The following MINDY2 variants were observed in gnomAD, a reference collection of about 807,000 sequenced individuals.
The protein encoded by MINDY2 is ubiquitin carboxyl-terminal hydrolase MINDY-2.
Under a neutral mutation model 68.2 loss-of-function variants are expected in MINDY2, and 52 were observed. The ratio of observed to expected loss-of-function variants is 0.76; its 90% CI spans 0.61 to 0.96. The LOEUF is 0.96. Ranked by LOEUF, MINDY2 falls within the 40% of genes least tolerant of loss-of-function variation. The probability of loss-of-function intolerance (pLI) is 0.00; values close to 1 mark genes in which losing one functional copy is unlikely to be tolerated. For missense variants in MINDY2, 881 were observed against 773.4 expected, an observed-to-expected ratio of 1.14 and a Z score of -1.65; for synonymous variants, 372 against 303.0, an observed-to-expected ratio of 1.23 and a Z score of -2.36.
intron 3 of MINDY2, among the ~76,000 whole-genome samples, chr15:58,807,396 C>T (rs1903098176): frequency 7.0e-6 from 1 of 142,440 alleles, no homozygotes; most frequent in African/African-American, 2.6e-5. Flanking sequence ...TGCTCTGTCG[C>T]CCAGGCTGGA....
chr15:58,820,675 A>T (rs1466221918), intron 4 of MINDY2, among the ~76,000 whole-genome samples: 1 of 152,134 alleles, frequency 6.6e-6, no homozygotes, highest in African/African-American at 2.4e-5. Context: ...GGGCAGTGGA[A>T]TGAAAACTTA....
At chr15:58,810,481 CT>C (rs1302064637) in intron 4 of MINDY2, 93 bp downstream of exon 4, 10 of 1,259,726 alleles carry the variant, frequency 7.9e-6, no homozygotes, top group African/African-American at 3.1e-5. Context: ...TTGTTACTTA[CT>C]TTTTTTGTAC....
intron 7 of MINDY2, among the ~76,000 whole-genome samples, chr15:58,849,977 T>C (rs1019578451): frequency 4.6e-5 from 7 of 152,166 alleles, no homozygotes; most frequent in Admixed American, 3.9e-4. Flanking sequence ...GCTCAAGTGA[T>C]GTGCCCGCCT....
intron 2 of MINDY2, among the ~76,000 whole-genome samples, chr15:58,796,808 C>G (rs924839222): frequency 6.6e-6 from 1 of 152,180 alleles, no homozygotes; most frequent in Non-Finnish European, 1.5e-5. Flanking sequence ...TAGGCATTAG[C>G]CACTGCACCT....
chr15:58,816,726 CAT>C (rs1467917003), intron 4 of MINDY2, among the ~76,000 whole-genome samples: 1 of 152,120 alleles, frequency 6.6e-6, no homozygotes, highest in East Asian at 1.9e-4. Flanking sequence ...ATTAGGTAGA[CAT>C]AGAGGGAAAA....
intron 1 of MINDY2, among the ~76,000 whole-genome samples, chr15:58,786,245 G>GAACTGTTGGAGA (rs1160530400): frequency 3.9e-5 from 6 of 152,178 alleles, no homozygotes; most frequent in African/African-American, 1.4e-4. Flanking sequence ...ACATTTGGGG[G>GAACTGTTGGAGA]AATTGTTGGA....
At chr15:58,790,162 T>C (rs1172262231) in intron 2 of MINDY2, among the ~76,000 whole-genome samples, 1 of 152,226 alleles carries the variant, frequency 6.6e-6, no homozygotes, top group Non-Finnish European at 1.5e-5. Flanking sequence ...GGTAGATTAC[T>C]CTGAATACCT....
intron 2 of MINDY2, among the ~76,000 whole-genome samples, chr15:58,801,018 G>C (rs1461940380): frequency 1.3e-5 from 2 of 151,972 alleles, no homozygotes; most frequent in African/African-American, 2.4e-5. Context: ...GCATCACCCA[G>C]GCTGGAGTAC....
chr15:58,772,114 A>T lies in MINDY2; in HGVS notation c.719A>T (p.Gln240Leu). The T allele has an allele frequency of 6.2e-7, 1 of 1,614,020 alleles. No individual in the cohort carries two copies. The highest frequency in any genetic ancestry group is 8.5e-7 in the Non-Finnish European group (1 of 1,179,950). The change falls in exon 1 of 9, where the codon CAA becomes CTA. Residue 240 changes from glutamine (Q) to leucine (L), a missense_variant. By Grantham distance (113) the Gln-to-Leu change is moderately radical. Coordinates refer to ENST00000559228, the MANE Select transcript of MINDY2 (RefSeq NM_001040450.3). ...GCCTCCAAGGAACGCTTCCCGGGACAATCTGTGTATCACATCAAGTGGATC... is the reference window on the plus strand; with the variant it reads ...GCCTCCAAGGAACGCTTCCCGGGACTATCTGTGTATCACATCAAGTGGATC... ...LAASKERFPG[Q>L]SVYHIKWIQW...
chr15:58,797,131 A>T (rs1260797981), intron 2 of MINDY2, among the ~76,000 whole-genome samples: 5 of 152,186 alleles, frequency 3.3e-5, no homozygotes, highest in Non-Finnish European at 5.9e-5. Context: ...GATTTCAAAG[A>T]TTTGGTTAAA....
At chr15:58,809,808 C>A (rs2140972993) in intron 3 of MINDY2, among the ~76,000 whole-genome samples, 1 of 152,346 alleles carries the variant, frequency 6.6e-6, no homozygotes, top group South Asian at 2.1e-4. Flanking sequence ...GAGACAGAGT[C>A]TCGCTCTGTT....
Position 58,771,435 on chromosome 15 carries a change from G to C in MINDY2, c.40G>C (p.Gly14Arg). The C allele has an allele frequency of 6.2e-7, 1 of 1,612,172 alleles. No individual in the cohort carries two copies. The highest frequency in any genetic ancestry group is 1.1e-5 in the South Asian group (1 of 91,072). Reference sequence around the variant, plus strand: ...CGAGAGCCTGCAGCCGCTAGAACACGGGGTGGCGGCCGGGCCAGCGTCAGG... The same window carrying C: ...CGAGAGCCTGCAGCCGCTAGAACACCGGGTGGCGGCCGGGCCAGCGTCAGG... ...SPESLQPLEHGVAAGPASGTG... is the reference protein window; with the variant it reads ...SPESLQPLEHRVAAGPASGTG... The change falls in exon 1 of 9, where the codon GGG becomes CGG. Residue 14 changes from glycine to arginine, a missense_variant. Transcript: ENST00000559228.
In MINDY2 at chr15:58,810,244, C is replaced by T; in HGVS notation, c.978C>T (p.Ala326=). Residue 326 remains alanine (A), a synonymous_variant, in exon 4 of 9, where the codon GCC becomes GCT. Coordinates refer to ENST00000559228, the MANE Select transcript of MINDY2 (RefSeq NM_001040450.3). The stretch of plus-strand genomic sequence containing the variant: ...TCTATTTTCAGAATATGAGTGATGC[C>T]ATGGCAATTTTGCACAAACTACAGA... ...RLNYEQNMSD[A]MAILHKLQTG... The T allele has an allele frequency of 6.2e-7, 1 of 1,608,276 alleles. No individual in the cohort carries two copies.
intron 1 of MINDY2, among the ~76,000 whole-genome samples, chr15:58,782,909 C>CTTTTTTTTTT (rs1319309591): frequency 1.5e-5 from 1 of 65,986 alleles, no homozygotes; most frequent in Non-Finnish European, 3.2e-5. Context: ...TTTTTTCTCT[C>CTTTTTTTTTT]TGTTTTTTTT....
intron 6 of MINDY2, among the ~76,000 whole-genome samples, chr15:58,838,581 G>GCTT (rs2032115995): frequency 9.9e-6 from 1 of 100,564 alleles, no homozygotes; most frequent in Non-Finnish European, 1.8e-5. Flanking sequence ...ACTTTTTAGG[G>GCTT]ATTTTTTTTT....
rs1192969913 is a variant in MINDY2, at chr15:58,814,063, G to C, written c.1122+3675G>C. ...AGTGATGCTCCTGCCTCGACCTCCC[G>C]AGTAGCTGGGATTACAGGCGCCCAC... On this transcript the variant is annotated intron_variant, in intron 4 of 8. Coordinates refer to ENST00000559228, the MANE Select transcript of MINDY2 (RefSeq NM_001040450.3). 3.3e-5 allele frequency among the ~76,000 whole-genome samples: 5 copies of C among 149,838 alleles called. No homozygotes were observed. In the Admixed American group the frequency reaches 3.3e-4, roughly 10 times the overall value.
At chr15:58,805,442 T>C (rs1287338559) in intron 3 of MINDY2, among the ~76,000 whole-genome samples, 1 of 152,230 alleles carries the variant, frequency 6.6e-6, no homozygotes, top group Non-Finnish European at 1.5e-5. Flanking sequence ...CAGTTTTGTC[T>C]AATAGTGTAC....
chr15:58,855,364 G>A lies in MINDY2; in HGVS notation c.*754G>A, dbSNP rs1370130953. 1 of 152,544 alleles carries A rather than the reference G, an allele frequency of 6.6e-6. No homozygotes were observed. The highest frequency in any genetic ancestry group is 2.4e-5 in the African/African-American group (1 of 41,406). The allele number at this position is 152,544 out of a possible 1,614,324, so 9.4% of individuals were successfully genotyped here. A position where few individuals can be genotyped will look rare whatever the true frequency, so the allele number is the denominator to read the frequency against. ...AGGAATTTTGGAGTCTTTATCATAG[G>A]TAACCTGGACCACAGTTACTATTTA... On this transcript the variant is annotated 3_prime_UTR_variant, in exon 9 of 9. Coordinates refer to ENST00000559228, the MANE Select transcript of MINDY2 (RefSeq NM_001040450.3).
At chr15:58,807,878 G>T (rs1285279985) in intron 3 of MINDY2, among the ~76,000 whole-genome samples, 1 of 151,960 alleles carries the variant, frequency 6.6e-6, no homozygotes, top group Non-Finnish European at 1.5e-5. Context: ...TTTTGCACTG[G>T]CATCTACTTT....
Sources: allele counts gnomAD v4.1 joint callset (sites outside exome capture counted in the v4.1 genomes callset), GRCh38; gene constraint gnomAD v4.1.1; transcripts MANE v1.5; gene names NCBI Gene and HGNC (gene_info 2026-07-23, HGNC 2026-07-21).